EPB41L2: variants seen among roughly 807,000 people sequenced by gnomAD.
EPB41L2 encodes the protein erythrocyte membrane protein band 4.1 like 2, also known as band 4.1-like protein 2.
A neutral mutation model predicts 113.0 loss-of-function variants in EPB41L2; 43 were observed. That is an observed-to-expected ratio of 0.38 (90% confidence interval 0.30 to 0.49). EPB41L2 has a LOEUF of 0.49. EPB41L2 is among the 20% of genes least tolerant of loss of function. The pLI is 0.95. For synonymous variants in EPB41L2, 442 were observed against 436.7 expected (o/e 1.01, Z -0.15); for missense variants, 1,147 against 1,223.4 (o/e 0.94, Z 0.93).
At chr6:131,062,982 G>C (rs996068648) in intron 1 of EPB41L2, among the ~76,000 whole-genome samples, 173 bp downstream of exon 1, 4 of 152,036 alleles carry the variant, frequency 2.6e-5, no homozygotes, top group African/African-American at 9.7e-5. Flanking sequence ...TCCCAAAGCC[G>C]GGCCCCCTCT....
intron 1 of EPB41L2, among the ~76,000 whole-genome samples, chr6:131,046,010 G>T (rs553007565): frequency 1.4e-5 from 2 of 147,834 alleles, no homozygotes; most frequent in South Asian, 4.2e-4. Flanking sequence ...GCAGTGGCAA[G>T]ATCATAGCTC....
Position 130,865,603 on chromosome 6 carries a change from G to T in EPB41L2, c.2762C>A (p.Thr921Lys), listed in dbSNP as rs144870570. ...IDGGAGGDSGTLLTAQTITSE... is the reference protein window; with the variant it reads ...IDGGAGGDSGKLLTAQTITSE... ...TGTGATGGTTTGTGCGGTCAGTAAC[G>T]TGCCCGAATCACCACCAGCCCCGCC... Residue 921 changes from threonine to lysine, a missense_variant, in exon 17 of 20, where the codon ACG becomes AAG. Thr to Lys is a moderately conservative substitution (Grantham distance 78). Transcript: ENST00000337057. 6.2e-7 allele frequency: 1 copy of T among 1,614,130 alleles called. No individual in the cohort carries two copies. The highest frequency in any genetic ancestry group is 1.3e-5 in the African/African-American group (1 of 75,034).
intron 1 of EPB41L2, among the ~76,000 whole-genome samples, chr6:131,014,586 T>C (rs1562734660): frequency 6.6e-6 from 1 of 152,180 alleles, no homozygotes; most frequent in Non-Finnish European, 1.5e-5. Context: ...CACAATATTT[T>C]CCAAGGGACG....
intron 4 of EPB41L2, among the ~76,000 whole-genome samples, chr6:130,912,680 T>G (rs970986013): frequency 4.9e-4 from 74 of 152,134 alleles, no homozygotes; most frequent in African/African-American, 1.7e-3. Context: ...GCCATTCAGT[T>G]TGCATGCACT....
At chr6:130,982,503 TA>T (rs1779603904) in intron 1 of EPB41L2, among the ~76,000 whole-genome samples, 1 of 151,976 alleles carries the variant, frequency 6.6e-6, no homozygotes, top group Admixed American at 6.6e-5. Flanking sequence ...GAATAACAAA[TA>T]AAAAAATAGG....
Position 130,967,459 on chromosome 6 carries a change from C to T in EPB41L2, c.-14-10960G>A, listed in dbSNP as rs371278894. ...GCTTTTGCTAACAATAATACCGGTG[C>T]ATATGCAGGCAGCGTAAAAAGATTA... On this transcript the variant is annotated intron_variant, in intron 1 of 19. Transcript: ENST00000337057. Among the ~76,000 whole-genome samples, 3 of 152,122 alleles carry T rather than the reference C, an allele frequency of 2.0e-5. No individual in the cohort carries two copies. In the East Asian group the frequency reaches 5.8e-4, roughly 29 times the overall value.
intron 1 of EPB41L2, among the ~76,000 whole-genome samples, chr6:131,022,641 G>T (rs1273022527): frequency 6.6e-6 from 1 of 152,118 alleles, no homozygotes; most frequent in South Asian, 2.1e-4. Context: ...TAAGTGTGGG[G>T]TTCAAATGAA....
chr6:130,880,292 G>A, intron 12 of EPB41L2, 86 bp from the exon 13 acceptor site: 10 of 796,788 alleles, frequency 1.3e-5, no homozygotes, highest in South Asian at 6.4e-5. Flanking sequence ...CCCAGAGTTC[G>A]ACAGTCTAAG....
chr6:131,017,958 G>T (rs567588428), intron 1 of EPB41L2, among the ~76,000 whole-genome samples: 1 of 152,208 alleles, frequency 6.6e-6, no homozygotes, highest in South Asian at 2.1e-4. Context: ...TTTGCTACTA[G>T]GTTATCTGCC....
At chr6:130,850,093 C>A (rs1344970024) in intron 19 of EPB41L2, among the ~76,000 whole-genome samples, 2 of 152,118 alleles carry the variant, frequency 1.3e-5, no homozygotes, top group Non-Finnish European at 2.9e-5. Context: ...CAAAAATTAG[C>A]TGGGCATGGT....
intron 3 of EPB41L2, among the ~76,000 whole-genome samples, chr6:130,950,725 C>A (rs564350629): frequency 1.3e-5 from 2 of 151,658 alleles, no homozygotes; most frequent in South Asian, 4.2e-4. Flanking sequence ...GAAGACAATT[C>A]GATAAAAGAA....
At chr6:131,041,596 T>C (rs1021096929) in intron 1 of EPB41L2, among the ~76,000 whole-genome samples, 3 of 152,140 alleles carry the variant, frequency 2.0e-5, no homozygotes, top group Non-Finnish European at 4.4e-5. Flanking sequence ...TACCAATTTA[T>C]AGGAAATTCA....
At chr6:130,875,945 A>G (rs1787403327) in intron 14 of EPB41L2, among the ~76,000 whole-genome samples, 2 of 149,888 alleles carry the variant, frequency 1.3e-5, no homozygotes, top group South Asian at 4.3e-4. Flanking sequence ...AGATCATGCC[A>G]TTGCACTCCA....
intron 1 of EPB41L2, among the ~76,000 whole-genome samples, chr6:131,049,556 T>C (rs1796137571): frequency 6.6e-6 from 1 of 152,212 alleles, no homozygotes; most frequent in Non-Finnish European, 1.5e-5. Context: ...TAGAAGCAAC[T>C]AAACAGAGTA....
intron 12 of EPB41L2, chr6:130,881,660 T>C (rs775413568): frequency 5.9e-5 from 9 of 152,008 alleles, no homozygotes; most frequent in Non-Finnish European, 1.2e-4. Flanking sequence ...AGCACAGAGG[T>C]AGGATACTTG....
At chr6:130,917,913 C>T (rs1427237814) in intron 4 of EPB41L2, among the ~76,000 whole-genome samples, 1 of 152,168 alleles carries the variant, frequency 6.6e-6, no homozygotes, top group East Asian at 1.9e-4. Flanking sequence ...GAGAAATTAA[C>T]AAATTCAACC....
At chr6:130,841,133 G>A (rs1271814632) in intron 19 of EPB41L2, among the ~76,000 whole-genome samples, 1 of 150,898 alleles carries the variant, frequency 6.6e-6, no homozygotes, top group East Asian at 2.0e-4. Context: ...CTAAAGTTGA[G>A]CATTGGTATA....
intron 10 of EPB41L2, among the ~76,000 whole-genome samples, chr6:130,892,403 C>CTTTTTATTTTTTTTTT (rs1793201982): frequency 1.1e-5 from 1 of 92,640 alleles, no homozygotes; most frequent in Non-Finnish European, 2.4e-5. Flanking sequence ...CAGATTATTG[C>CTTTTTATTTTTTTTTT]TTTTTTTTTT....
intron 8 of EPB41L2, among the ~76,000 whole-genome samples, chr6:130,895,906 C>T (rs1794495159): frequency 6.6e-6 from 1 of 152,162 alleles, no homozygotes; most frequent in Non-Finnish European, 1.5e-5. Flanking sequence ...CCTCACATTT[C>T]AAGTAGTGAA....
Sources: gnomAD v4.1 joint callset for allele counts (sites outside exome capture counted in the v4.1 genomes callset) on GRCh38, gnomAD v4.1.1 for gene constraint, MANE v1.5 for transcripts, NCBI Gene and HGNC (gene_info 2026-07-23, HGNC 2026-07-21) for gene names.